Variants in TESC observed in about 807,000 individuals in gnomAD.
TESC encodes tescalcin, also known as calcineurin B homologous protein 3.
TESC carries 19 observed loss-of-function variants against 31.0 expected under a neutral mutation model. The observed-to-expected ratio is 0.61, with a 90% CI of 0.43 to 0.90. The LOEUF (loss-of-function observed/expected upper bound fraction) is 0.90, where lower values mean the gene tolerates loss of function less well. Ranked by LOEUF, TESC falls within the 40% of genes least tolerant of loss-of-function variation. TESC has a pLI of 0.00. For synonymous variants in TESC, 109 were observed against 114.8 expected, an observed-to-expected ratio of 0.95 and a Z score of 0.32; for missense variants, 248 against 303.8, an observed-to-expected ratio of 0.82 and a Z score of 1.36.
chr12:117,095,920 G>A (rs1192369008), intron 1 of TESC, among the ~76,000 whole-genome samples: 1 of 152,014 alleles, frequency 6.6e-6, no homozygotes, highest in Non-Finnish European at 1.5e-5. Flanking sequence ...AAAGAAAGTA[G>A]GCTTGGGGAT....
chr12:117,067,258 T>C (rs1009157116), intron 2 of TESC, among the ~76,000 whole-genome samples: 4 of 152,064 alleles, frequency 2.6e-5, no homozygotes, highest in Admixed American at 6.6e-5. Context: ...CTTATGAGTA[T>C]AGTATTTCTA....
rs746893667 is a variant in TESC at position 117,049,059 on chromosome 12, G to C, written c.309C>G (p.Asp103Glu). 6.2e-7 allele frequency: 1 copy of C among 1,614,106 alleles called. No individual in the cohort carries two copies. Among genetic ancestry groups the C allele is most frequent in the African/African-American group, 1.3e-5 (1 of 74,928 alleles). ...SYFRPIDTTM[D>E]EEQVELSRKE... is the part of the protein sequence containing the mutation. Reference sequence around the variant, plus strand: ...TCCGGGACAGCTCCACCTGTTCCTCGTCCATGGTGGTGTCGATGGGCCGGA... The same window carrying C: ...TCCGGGACAGCTCCACCTGTTCCTCCTCCATGGTGGTGTCGATGGGCCGGA... Residue 103 changes from aspartate to glutamate, a missense_variant, in exon 4 of 8, where the codon GAC (aspartate) becomes GAG (glutamate). Asp to Glu is a conservative substitution (Grantham distance 45). Transcript: ENST00000335209.
chr12:117,087,610 T>C (rs1187634719), intron 1 of TESC, among the ~76,000 whole-genome samples: 1 of 152,234 alleles, frequency 6.6e-6, no homozygotes, highest in African/African-American at 2.4e-5. Flanking sequence ...CACAGTCTGT[T>C]TCGCTCATCT....
At chr12:117,086,861 G>A (rs1955225755) in intron 1 of TESC, among the ~76,000 whole-genome samples, 1 of 152,234 alleles carries the variant, frequency 6.6e-6, no homozygotes, top group African/African-American at 2.4e-5. Context: ...TGCTGGGACT[G>A]TTATTATTGT....
chr12:117,060,752 A>G (rs1374318497), intron 2 of TESC, among the ~76,000 whole-genome samples: 1 of 152,144 alleles, frequency 6.6e-6, no homozygotes, highest in Non-Finnish European at 1.5e-5. Context: ...GCGTACAGCC[A>G]TGCTCTTACC....
intron 2 of TESC, among the ~76,000 whole-genome samples, chr12:117,061,763 T>C (rs902165324): frequency 6.6e-6 from 1 of 152,062 alleles, no homozygotes; most frequent in African/African-American, 2.4e-5. Flanking sequence ...GTGAGATGGG[T>C]GCAGACCTAA....
At chr12:117,085,090 G>A (rs1037890856) in intron 1 of TESC, among the ~76,000 whole-genome samples, 1 of 152,262 alleles carries the variant, frequency 6.6e-6, no homozygotes, top group South Asian at 2.1e-4. Context: ...TCTAGGCCAC[G>A]GGGATGGGAG....
At chr12:117,039,297 T>G in intron 7 of TESC, 87 bp from the exon 8 acceptor site, 1 of 1,275,174 alleles carries the variant, frequency 7.8e-7, no homozygotes, top group Non-Finnish European at 1.1e-6. Flanking sequence ...CCTTCCCACC[T>G]ACCGTCTCCT....
rs200935850 is a variant in TESC at position 117,082,749 on chromosome 12, AC to A, written c.59-7410del. Among the ~76,000 whole-genome samples, 270 of 152,322 alleles carry A rather than the reference AC, an allele frequency of 1.8e-3. 1 individual carries two copies. The highest frequency in any genetic ancestry group is 6.3e-3 in the African/African-American group (260 of 41,568). ...AAGAAAAAATAGAAAAGGGTATACA[AC>A]AAAATAATAGTAGTCAGTTGTTTTC... is the stretch of plus-strand genomic sequence containing the variant. On this transcript the variant is annotated intron_variant, in intron 1 of 7. Coordinates refer to ENST00000335209, the MANE Select transcript of TESC (RefSeq NM_017899.4).
rs539595947 is a variant in TESC, at chr12:117,041,931, C to T, written c.567+16G>A. ...CTTCAAGGGTCCCCCGAGGCTCCCA[C>T]GCCCAGGCCACCCACCTTCAGGAAG... On this transcript the variant is annotated intron_variant, in intron 7 of 7. Coordinates refer to ENST00000335209, the MANE Select transcript of TESC (RefSeq NM_017899.4). 1.5e-5 allele frequency: 24 copies of T among 1,579,974 alleles called. No homozygotes were observed. Among genetic ancestry groups the T allele is most frequent in the Middle Eastern group, 3.3e-4 (2 of 6,014 alleles).
chr12:117,056,673 T>C (rs1322406507), intron 3 of TESC, 133 bp downstream of exon 3: 6 of 933,804 alleles, frequency 6.4e-6, no homozygotes, highest in Middle Eastern at 3.1e-4. Context: ...AAACCTATGC[T>C]CATAACCCCT....
chr12:117,089,977 T>C (rs1955283996), intron 1 of TESC, among the ~76,000 whole-genome samples: 1 of 151,928 alleles, frequency 6.6e-6, no homozygotes, highest in South Asian at 2.1e-4. Context: ...AAAATAGGTT[T>C]CTACAAAGAA....
intron 2 of TESC, among the ~76,000 whole-genome samples, chr12:117,063,657 T>C (rs1311143015): frequency 6.6e-6 from 1 of 152,168 alleles, no homozygotes; most frequent in Non-Finnish European, 1.5e-5. Flanking sequence ...CAGGGCTCCC[T>C]GCACTGAGGG....
At chr12:117,072,061 TG>T (rs1954981469) in intron 2 of TESC, among the ~76,000 whole-genome samples, 1 of 152,136 alleles carries the variant, frequency 6.6e-6, no homozygotes, top group Admixed American at 6.5e-5. Flanking sequence ...AAGCTTATGA[TG>T]GGGTGCTAGG....
At chr12:117,058,203 G>A (rs1444689624) in intron 2 of TESC, among the ~76,000 whole-genome samples, 2 of 152,110 alleles carry the variant, frequency 1.3e-5, no homozygotes, top group Non-Finnish European at 2.9e-5. Flanking sequence ...CTGGTAGACT[G>A]TAGTCTCAAA....
At chr12:117,085,986 A>G (rs1200866180) in intron 1 of TESC, among the ~76,000 whole-genome samples, 1 of 152,202 alleles carries the variant, frequency 6.6e-6, no homozygotes, top group Non-Finnish European at 1.5e-5. Context: ...ATAAAGCAAT[A>G]CAAAAGGAGG....
At chr12:117,075,210 A>C in intron 2 of TESC, 61 bp downstream of exon 2, 2 of 1,535,518 alleles carry the variant, frequency 1.3e-6, no homozygotes, top group Non-Finnish European at 1.8e-6. Flanking sequence ...GAAAAGAAAC[A>C]GGACAAGAAA....
intron 1 of TESC, among the ~76,000 whole-genome samples, chr12:117,075,899 A>ATATATATGTGTG (rs1565971558): frequency 6.8e-5 from 5 of 73,216 alleles, no homozygotes; most frequent in African/African-American, 4.1e-4. Flanking sequence ...ATATATATAT[A>ATATATATGTGTG]TATATATATA....
intron 1 of TESC, among the ~76,000 whole-genome samples, chr12:117,088,751 C>T (rs1479232138): frequency 1.3e-5 from 2 of 151,926 alleles, no homozygotes; most frequent in Non-Finnish European, 2.9e-5. Flanking sequence ...GGTCCTGCTA[C>T]TTGGATATAA....
Sources: allele counts gnomAD v4.1 joint callset (sites outside exome capture counted in the v4.1 genomes callset), GRCh38; gene constraint gnomAD v4.1.1; transcripts MANE v1.5; gene names NCBI Gene and HGNC (gene_info 2026-07-23, HGNC 2026-07-21).